Variants in DPP10 observed in about 807,000 individuals in gnomAD.
DPP10 encodes the protein dipeptidyl peptidase like 10.
DPP10 carries 33 observed loss-of-function variants against 120.9 expected under a neutral mutation model. That is an observed-to-expected ratio of 0.27 (90% CI 0.21 to 0.37). The LOEUF is 0.37. DPP10 is among the 10% of genes least tolerant of loss of function. The probability of loss-of-function intolerance (pLI) is 1.00; values close to 1 mark genes in which losing one functional copy is unlikely to be tolerated. For missense variants in DPP10, 816 were observed against 942.8 expected, an observed-to-expected ratio of 0.87 and a Z score of 1.76; for synonymous variants, 337 against 326.1, an observed-to-expected ratio of 1.03 and a Z score of -0.36.
intron 3 of DPP10, among the ~76,000 whole-genome samples, chr2:115,483,901 C>G (rs1443558585): frequency 6.6e-6 from 1 of 152,016 alleles, no homozygotes; most frequent in Admixed American, 6.6e-5. Flanking sequence ...GTTTTTCCCC[C>G]TCTCAGTAAA....
At chr2:115,630,850 A>G (rs1316558190) in intron 5 of DPP10, among the ~76,000 whole-genome samples, 2 of 151,902 alleles carry the variant, frequency 1.3e-5, no homozygotes, top group African/African-American at 4.8e-5. Flanking sequence ...TCAGGCATTG[A>G]TATTGGCCTG....
chr2:114,687,522 C>A (rs2105747931), intron 1 of DPP10, among the ~76,000 whole-genome samples: 1 of 151,948 alleles, frequency 6.6e-6, no homozygotes, highest in South Asian at 2.1e-4. Flanking sequence ...AAATCTGAAC[C>A]CTGACCTTGC....
chr2:115,441,817 C>CTTT (rs561102084), intron 3 of DPP10, among the ~76,000 whole-genome samples: 70 of 124,458 alleles, frequency 5.6e-4, no homozygotes, highest in African/African-American at 1.7e-3. Flanking sequence ...TTCTTTCTTT[C>CTTT]TTTTTTTTTT....
chr2:114,730,245 T>C (rs1053945685), intron 1 of DPP10, among the ~76,000 whole-genome samples: 4 of 152,206 alleles, frequency 2.6e-5, no homozygotes, highest in Non-Finnish European at 5.9e-5. Flanking sequence ...TCCAGAATAA[T>C]TCATGCCTGT....
At chr2:115,021,762 C>T (rs188383881) in intron 1 of DPP10, among the ~76,000 whole-genome samples, 1 of 152,100 alleles carries the variant, frequency 6.6e-6, no homozygotes, top group East Asian at 1.9e-4. Flanking sequence ...ATGCAAAAAT[C>T]CTCAAAAAAT....
intron 1 of DPP10, among the ~76,000 whole-genome samples, chr2:114,847,374 A>G (rs1045772745): frequency 6.6e-6 from 1 of 152,130 alleles, no homozygotes. Flanking sequence ...AGCACCTTTT[A>G]TCTCCAGGTA....
intron 7 of DPP10, among the ~76,000 whole-genome samples, chr2:115,695,632 A>T (rs1376097510): frequency 6.6e-6 from 1 of 152,182 alleles, no homozygotes; most frequent in African/African-American, 2.4e-5. Context: ...CCCTACCATG[A>T]CATGTGGGAA....
intron 1 of DPP10, among the ~76,000 whole-genome samples, chr2:114,561,589 G>A (rs1010309833): frequency 1.3e-5 from 2 of 150,488 alleles, no homozygotes; most frequent in African/African-American, 2.4e-5. Context: ...AGAGCTTTGC[G>A]GTTTACTTTT....
In DPP10 at chr2:115,190,679, G is replaced by A. The variant is rs571014553; in HGVS notation, c.61-118560G>A. 3.7e-4 allele frequency among the ~76,000 whole-genome samples: 57 copies of A among 152,262 alleles called. 1 individual carries two copies. The South Asian group carries it at 0.011, about 29-fold the overall frequency. On this transcript the variant is annotated intron_variant, in intron 1 of 25. Coordinates refer to ENST00000410059, the MANE Select transcript of DPP10 (RefSeq NM_020868.6). ...CAGGGAACAGCAGTGAAAGAGTCTC[G>A]CATGACTCATCGCCCCAGGCTGTGG...
At chr2:114,916,521 A>G (rs564647197) in intron 1 of DPP10, among the ~76,000 whole-genome samples, 1 of 152,208 alleles carries the variant, frequency 6.6e-6, no homozygotes, top group South Asian at 2.1e-4. Context: ...CACAAGAACA[A>G]CAGCAAAAGC....
intron 19 of DPP10, among the ~76,000 whole-genome samples, chr2:115,809,636 G>A (rs2150014251): frequency 6.6e-6 from 1 of 152,104 alleles, no homozygotes; most frequent in African/African-American, 2.4e-5. Flanking sequence ...TTTCAAACAG[G>A]TACTCGTGCA....
chr2:115,312,164 AAG>A (rs1277143309), intron 2 of DPP10, among the ~76,000 whole-genome samples: 1 of 152,188 alleles, frequency 6.6e-6, no homozygotes, highest in Non-Finnish European at 1.5e-5. Context: ...TAAAATAAAA[AAG>A]AAAATAATAA....
intron 1 of DPP10, among the ~76,000 whole-genome samples, chr2:114,912,010 A>G (rs1169944262): frequency 6.6e-6 from 1 of 152,166 alleles, no homozygotes; most frequent in Non-Finnish European, 1.5e-5. Flanking sequence ...GGAACTTGAG[A>G]CATGGCCTTA....
At chr2:115,638,279 G>A (rs2086514604) in intron 5 of DPP10, among the ~76,000 whole-genome samples, 1 of 152,186 alleles carries the variant, frequency 6.6e-6, no homozygotes, top group Non-Finnish European at 1.5e-5. Flanking sequence ...GGTTGGTAGT[G>A]GGTGATTTTA....
Position 115,451,608 on chromosome 2 carries a change from T to C in DPP10, c.272-47902T>C, listed in dbSNP as rs71418563. On this transcript the variant is annotated intron_variant, in intron 3 of 25. Coordinates refer to ENST00000410059, the MANE Select transcript of DPP10 (RefSeq NM_020868.6). Reference sequence around the variant, plus strand: ...TTGTCAAGGGAAGTCAGCTGAAAATTAAGAAAGCACAGACAGCTGCCTCTG... The same window carrying C: ...TTGTCAAGGGAAGTCAGCTGAAAATCAAGAAAGCACAGACAGCTGCCTCTG... Among the ~76,000 whole-genome samples, 317 of 152,026 alleles carry C rather than the reference T, an allele frequency of 2.1e-3. 2 individuals carry two copies. The highest frequency in any genetic ancestry group is 3.6e-3 in the Non-Finnish European group (246 of 67,870).
intron 3 of DPP10, among the ~76,000 whole-genome samples, chr2:115,401,156 A>C (rs972916969): frequency 6.6e-6 from 1 of 152,218 alleles, no homozygotes; most frequent in African/African-American, 2.4e-5. Context: ...GCTGAGGAAG[A>C]CTTGAGGACT....
intron 1 of DPP10, among the ~76,000 whole-genome samples, chr2:115,210,106 G>C (rs970443009): frequency 6.6e-6 from 1 of 152,016 alleles, no homozygotes; most frequent in African/African-American, 2.4e-5. Context: ...GTGCCATGTT[G>C]GTGTGCTGCA....
intron 5 of DPP10, among the ~76,000 whole-genome samples, chr2:115,536,233 A>AT (rs2078827832): frequency 6.6e-6 from 1 of 152,046 alleles, no homozygotes; most frequent in Non-Finnish European, 1.5e-5. Context: ...AGTATGTAAT[A>AT]TTTTTTCCAC....
At chr2:114,706,821 C>T (rs1020057806) in intron 1 of DPP10, among the ~76,000 whole-genome samples, 1 of 152,162 alleles carries the variant, frequency 6.6e-6, no homozygotes, top group African/African-American at 2.4e-5. Flanking sequence ...AGTTTCTAGG[C>T]ACATCTTAAT....
Sources: allele counts gnomAD v4.1 joint callset (sites outside exome capture counted in the v4.1 genomes callset), GRCh38; gene constraint gnomAD v4.1.1; transcripts MANE v1.5; gene names NCBI Gene and HGNC (gene_info 2026-07-23, HGNC 2026-07-21).